Variants in ZDHHC11B observed in about 807,000 individuals in gnomAD.
The protein encoded by ZDHHC11B is zDHHC palmitoyltransferase 11B (putative), also known as probable palmitoyltransferase ZDHHC11B.
ZDHHC11B carries 17 observed loss-of-function variants against 42.3 expected under a neutral mutation model. That is an observed-to-expected ratio of 0.40 (90% CI 0.27 to 0.60). The LOEUF is 0.60. ZDHHC11B is among the 20% of genes least tolerant of loss of function. ZDHHC11B has a pLI of 0.41. For missense variants in ZDHHC11B, 262 were observed against 463.2 expected (o/e 0.57, Z 3.99); for synonymous variants, 123 against 193.5 (o/e 0.64, Z 3.02).
intron 7 of ZDHHC11B, among the ~76,000 whole-genome samples, chr5:748,975 T>C (rs145750601): frequency 0.18 from 6,030 of 33,830 alleles, 344 homozygotes; most frequent in East Asian, 0.41. Flanking sequence ...TCCTAAGTGC[T>C]GGGGTCACAG....
intron 6 of ZDHHC11B, among the ~76,000 whole-genome samples, chr5:754,579 T>C (rs1250389681): frequency 8.7e-3 from 1,007 of 116,182 alleles, no homozygotes; most frequent in African/African-American, 0.013. Context: ...ACCTCTCATC[T>C]GTGAGCCTCC....
At chr5:777,058 C>T (rs1015801901) in intron 1 of ZDHHC11B, among the ~76,000 whole-genome samples, 1 of 151,864 alleles carries the variant, frequency 6.6e-6, no homozygotes, top group African/African-American at 2.4e-5. Flanking sequence ...TTATTGGTCT[C>T]GCTGACGTCA....
chr5:777,692 G>A (rs1234985903), intron 1 of ZDHHC11B, among the ~76,000 whole-genome samples: 1 of 152,054 alleles, frequency 6.6e-6, no homozygotes, highest in Non-Finnish European at 1.5e-5. Context: ...GCTGATTGGT[G>A]CATTGACAAG....
At chr5:751,443 GCA>G (rs1745692589) in intron 6 of ZDHHC11B, among the ~76,000 whole-genome samples, 186 bp from the exon 7 acceptor site, 3 of 29,916 alleles carry the variant, frequency 1.0e-4, no homozygotes, top group African/African-American at 2.5e-4. Context: ...GGAGGCAGGG[GCA>G]GGGACACGCA....
intron 10 of ZDHHC11B, among the ~76,000 whole-genome samples, chr5:735,763 T>A (rs1404614466): frequency 6.7e-6 from 1 of 149,772 alleles, no homozygotes; most frequent in Non-Finnish European, 1.5e-5. Context: ...GAACAACAAA[T>A]GCTGAGAGAA....
chr5:732,937 C>G lies in ZDHHC11B; in HGVS notation c.1023+815G>C, dbSNP rs549912743. Among the ~76,000 whole-genome samples the G allele has an allele frequency of 3.0e-3, 452 of 151,778 alleles. 3 individuals are homozygous for G. Among genetic ancestry groups the G allele is most frequent in the African/African-American group, 0.011 (443 of 41,168 alleles). ...CTGGGTGTGGTGGCACACACCTGTA[C>G]TTTCGGCTATTCGGGAGGCTGAGGT... is the stretch of plus-strand genomic sequence containing the variant. On this transcript the variant is annotated intron_variant, in intron 11 of 13. Coordinates refer to ENST00000508859, the MANE Select transcript of ZDHHC11B (RefSeq NM_001351303.2).
At chr5:726,858 A>G (rs1376086531) in intron 12 of ZDHHC11B, among the ~76,000 whole-genome samples, 1 of 112,308 alleles carries the variant, frequency 8.9e-6, no homozygotes, top group Non-Finnish European at 1.8e-5. Flanking sequence ...AATCCTGGTC[A>G]CAATTAATTT....
intron 4 of ZDHHC11B, among the ~76,000 whole-genome samples, chr5:764,743 G>A (rs551365120): frequency 4.4e-4 from 67 of 152,016 alleles, no homozygotes; most frequent in African/African-American, 9.2e-4. Flanking sequence ...TGAGGAGTGC[G>A]GGCACATGGC....
intron 12 of ZDHHC11B, among the ~76,000 whole-genome samples, chr5:729,012 C>CAAAAA (rs751272226): frequency 1.5e-5 from 2 of 134,886 alleles, no homozygotes; most frequent in African/African-American, 2.7e-5. Flanking sequence ...GACCCTGTCT[C>CAAAAA]AAAAAAAAAA....
chr5:767,079 A>T lies in ZDHHC11B; in HGVS notation c.1-160T>A, dbSNP rs535919513. Reference sequence around the variant, plus strand: ...CTGGGGCCACGTTCCCCGCAGAGGGAGCAGGGGTTGGGCTGGAGTCGGTGC... The same window carrying T: ...CTGGGGCCACGTTCCCCGCAGAGGGTGCAGGGGTTGGGCTGGAGTCGGTGC... On this transcript the variant is annotated intron_variant, in intron 3 of 13. Transcript: ENST00000508859. 42 of 986,382 alleles carry T rather than the reference A, an allele frequency of 4.3e-5. No individual in the cohort carries two copies. The African/African-American group carries it at 6.0e-4, about 14-fold the overall frequency. The allele number at this position is 986,382 out of a possible 1,614,324, so 61.1% of individuals were successfully genotyped here. A position where few individuals can be genotyped will look rare whatever the true frequency, so the allele number is the denominator to read the frequency against.
intron 12 of ZDHHC11B, 122 bp from the exon 13 acceptor site, chr5:716,987 C>A: frequency 2.2e-6 from 3 of 1,368,276 alleles, no homozygotes; most frequent in East Asian, 2.4e-5. Flanking sequence ...GTGACGTGGG[C>A]AATCACTTCA....
chr5:776,771 C>G (rs1381328872), intron 1 of ZDHHC11B, among the ~76,000 whole-genome samples: 1 of 151,958 alleles, frequency 6.6e-6, no homozygotes, highest in Non-Finnish European at 1.5e-5. Context: ...AGGTGCTTCC[C>G]CATTAAACAG....
At chr5:733,286 T>C (rs1743182632) in intron 11 of ZDHHC11B, among the ~76,000 whole-genome samples, 1 of 151,596 alleles carries the variant, frequency 6.6e-6, no homozygotes, top group Non-Finnish European at 1.5e-5. Context: ...CCACACACCA[T>C]ACACTTGTAC....
intron 4 of ZDHHC11B, 70 bp downstream of exon 4, chr5:766,628 A>C (rs1295477878): frequency 3.4e-6 from 5 of 1,473,116 alleles, no homozygotes; most frequent in Non-Finnish European, 3.7e-6. Context: ...CCCAGACCCC[A>C]CAGCCAGGTC....
intron 6 of ZDHHC11B, among the ~76,000 whole-genome samples, chr5:752,548 T>G (rs1745912176): frequency 1.1e-5 from 1 of 88,438 alleles, no homozygotes; most frequent in African/African-American, 3.1e-5. Context: ...TATGTTCACC[T>G]AAGCTTGTTT....
chr5:717,048 C>T (rs1384265822), intron 12 of ZDHHC11B, among the ~76,000 whole-genome samples, 183 bp from the exon 13 acceptor site: 5 of 151,784 alleles, frequency 3.3e-5, no homozygotes, highest in African/African-American at 9.7e-5. Flanking sequence ...AACATGACTG[C>T]ACTGCTGAAA....
chr5:729,243 C>T (rs1339177018), intron 12 of ZDHHC11B, among the ~76,000 whole-genome samples: 3 of 151,164 alleles, frequency 2.0e-5, no homozygotes, highest in South Asian at 2.1e-4. Context: ...TGAATAATGT[C>T]GGCCGTGTCA....
intron 12 of ZDHHC11B, among the ~76,000 whole-genome samples, chr5:729,348 C>T (rs1742832727): frequency 6.6e-6 from 1 of 151,068 alleles, no homozygotes; most frequent in South Asian, 2.1e-4. Context: ...CCCAGAGGTC[C>T]TAGGCCAGGA....
At chr5:751,464 GAGGCAGGGGC>G (rs1745706394) in intron 6 of ZDHHC11B, among the ~76,000 whole-genome samples, 3 of 28,186 alleles carry the variant, frequency 1.1e-4, no homozygotes, top group Admixed American at 9.0e-4. Flanking sequence ...CAGGGCATCT[GAGGCAGGGGC>G]GGGGGCATGC....
Sources: gnomAD v4.1 joint callset for allele counts (sites outside exome capture counted in the v4.1 genomes callset) on GRCh38, gnomAD v4.1.1 for gene constraint, MANE v1.5 for transcripts, NCBI Gene and HGNC (gene_info 2026-07-23, HGNC 2026-07-21) for gene names.